SLC24A1: variants seen among roughly 807,000 people sequenced by gnomAD.
SLC24A1 encodes solute carrier family 24 member 1.
SLC24A1 carries 52 observed loss-of-function variants against 88.1 expected under a neutral mutation model. The observed-to-expected ratio is 0.59, with a 90% CI of 0.47 to 0.74. The LOEUF (loss-of-function observed/expected upper bound fraction) is 0.74. SLC24A1 is among the 30% of genes least tolerant of loss of function. SLC24A1 has a pLI of 0.00. For synonymous variants in SLC24A1, 455 were observed against 498.0 expected (o/e 0.91, Z 1.15); for missense variants, 1,173 against 1,363.3 (o/e 0.86, Z 2.20).
In SLC24A1 at chr15:65,645,640, C is replaced by G. The variant is rs1361424218; in HGVS notation, c.2169C>G (p.Val723=). 2 of 1,576,850 alleles carry G rather than the reference C, an allele frequency of 1.3e-6. No individual in the cohort carries two copies. The highest frequency in any genetic ancestry group is 2.7e-5 in the African/African-American group (2 of 74,058). ...AGGAGCCAGCCAAGCTCCCTGCGGT[C>G]ACGGTCACACCAGCCCCTGTTCCAG... The part of the protein sequence containing the change: ...EEEEPAKLPA[V]TVTPAPVPDI... The change falls in exon 6 of 10, where the codon GTC becomes GTG. Residue 723 remains valine, a synonymous_variant. Coordinates refer to ENST00000261892, the MANE Select transcript of SLC24A1 (RefSeq NM_004727.3).
chr15:65,643,138 T>C, intron 4 of SLC24A1: 1 of 750,628 alleles, frequency 1.3e-6, no homozygotes, highest in Non-Finnish European at 2.0e-6. Flanking sequence ...TATAAATTCA[T>C]TTACTTTGTC....
downstream of SLC24A1, chr15:65,660,041 C>T (rs1010400622): frequency 6.9e-6 from 3 of 434,672 alleles, no homozygotes; most frequent in Non-Finnish European, 1.2e-5. Flanking sequence ...ATCACCAGTG[C>T]CAAAAGCCTC....
chr15:65,616,607 T>C (rs1427216928), intron 2 of SLC24A1, among the ~76,000 whole-genome samples: 1 of 152,258 alleles, frequency 6.6e-6, no homozygotes, highest in Admixed American at 6.5e-5. Context: ...TTGAGTTCTT[T>C]GTAGATTCTG....
chr15:65,649,878 C>T (rs1029652367), intron 6 of SLC24A1, among the ~76,000 whole-genome samples: 2 of 152,210 alleles, frequency 1.3e-5, no homozygotes, highest in African/African-American at 4.8e-5. Context: ...TAGTCCTGTT[C>T]CACTCCATGC....
At chr15:65,632,731 C>G (rs2141539943) in intron 2 of SLC24A1, among the ~76,000 whole-genome samples, 1 of 152,272 alleles carries the variant, frequency 6.6e-6, no homozygotes, top group Non-Finnish European at 1.5e-5. Flanking sequence ...AAGCACAGTT[C>G]CAGCTCTCAA....
At chr15:65,644,139 A>G (rs1239719023) in intron 4 of SLC24A1, 2 of 403,028 alleles carry the variant, frequency 5.0e-6, no homozygotes, top group East Asian at 4.8e-5. Context: ...CCTGAGTCCA[A>G]CCATGTCATT....
At position 65,650,227 on chromosome 15, in the gene SLC24A1, A is replaced by G. The variant is rs1025477123; in HGVS notation, c.2233-155A>G. Among the ~76,000 whole-genome samples the G allele has an allele frequency of 6.6e-6, 1 of 152,220 alleles. No individual in the cohort carries two copies. Among genetic ancestry groups the G allele is most frequent in the Non-Finnish European group, 1.5e-5 (1 of 68,040 alleles). ...ACAGCCACTAGGTAGGAGTGTGGTC[A>G]TGGGAATTCTGCTGAATTATCGCAC... is the stretch of plus-strand genomic sequence containing the variant. On this transcript the variant is annotated intron_variant, in intron 6 of 9. Transcript: ENST00000261892. The surrounding 1 kb of genome is among the most constrained non-coding windows in gnomAD (Gnocchi z 4.1).
chr15:65,652,588 T>C, intron 8 of SLC24A1, 54 bp from the exon 9 acceptor site: 1 of 1,548,798 alleles, frequency 6.5e-7, no homozygotes, highest in Non-Finnish European at 8.9e-7. Context: ...ATGTGGATAG[T>C]GCTTGGATGT....
At chr15:65,618,215 G>A (rs980340477), upstream of SLC24A1, among the ~76,000 whole-genome samples, 9 of 151,950 alleles carry the variant, frequency 5.9e-5, no homozygotes, top group South Asian at 2.1e-4. Flanking sequence ...TTGTCTCTAC[G>A]TATGTATGTA....
At position 65,654,084 on chromosome 15, in the gene SLC24A1, G is replaced by A. The variant is rs1368545262; in HGVS notation, c.*5G>A. ...TCCTGTCCTGTATCTGTCTGAATCA[G>A]TCACTCTTGCTCACAATGGGCATGG... On this transcript the variant is annotated 3_prime_UTR_variant, in exon 10 of 10. Transcript: ENST00000261892. 1 of 1,610,580 alleles carries A rather than the reference G, an allele frequency of 6.2e-7. No homozygotes were observed. Among genetic ancestry groups the A allele is most frequent in the African/African-American group, 1.3e-5 (1 of 74,826 alleles).
Position 65,625,454 on chromosome 15 carries a change from C to T in SLC24A1, c.1374C>T (p.His458=), listed in dbSNP as rs370043190. 7.0e-4 allele frequency: 1,124 copies of T among 1,614,016 alleles called. 7 individuals are homozygous for T. In the South Asian group the frequency reaches 0.011, roughly 16 times the overall value. The change falls in exon 2 of 10, where the codon CAC becomes CAT. Residue 458 remains histidine (H), a synonymous_variant. Coordinates refer to ENST00000261892, the MANE Select transcript of SLC24A1 (RefSeq NM_004727.3). ...GGCGGCAGGGCTGGGTGGTCCTGCA[C>T]GTTTTTGGCATGATGTATGTGTTTG... ...EERRQGWVVL[H]VFGMMYVFVA...
At chr15:65,660,232 A>G, downstream of SLC24A1, 1 of 1,472,162 alleles carries the variant, frequency 6.8e-7, no homozygotes, top group Non-Finnish European at 9.2e-7. Context: ...TTCAGCCCCA[A>G]ACTAACTGAA....
rs764243615 is a variant in SLC24A1, at chr15:65,650,670, G to A, written c.2521G>A (p.Ala841Thr). The A allele has an allele frequency of 6.5e-7, 1 of 1,546,894 alleles. No homozygotes were observed. The highest frequency in any genetic ancestry group is 1.2e-5 in the South Asian group (1 of 83,510). ...QELSAENHGE[A>T]KNDEKGVEDG... ...ACTCAGTGCTGAAAATCACGGTGAA[G>A]CCAAAAATGATGAGAAAGGTGTAGA... is the stretch of plus-strand genomic sequence containing the variant. The change falls in exon 7 of 10, where the codon GCC (alanine) becomes ACC (threonine). Residue 841 changes from alanine to threonine, a missense_variant. Transcript: ENST00000261892. The surrounding 1 kb of genome is among the most constrained non-coding windows in gnomAD (Gnocchi z 4.1).
rs1327791967 is a variant in SLC24A1 at position 65,644,505 on chromosome 15, A to T, written c.2132A>T (p.Lys711Ile). The T allele has an allele frequency of 2.5e-6, 4 of 1,584,136 alleles. No homozygotes were observed. The highest frequency in any genetic ancestry group is 3.4e-6 in the Non-Finnish European group (4 of 1,164,924). Residue 711 changes from lysine (K) to isoleucine (I), a missense_variant, in exon 5 of 10, where the codon AAA (lysine) becomes ATA (isoleucine). Lys to Ile is a moderately radical substitution (Grantham distance 102, BLOSUM62 -3). Coordinates refer to ENST00000261892, the MANE Select transcript of SLC24A1 (RefSeq NM_004727.3). ...RAQPQAKAESKPEEEEPAKLP... is the reference protein window; with the variant it reads ...RAQPQAKAESIPEEEEPAKLP... ...CAACCCCAGGCCAAAGCAGAAAGCA[A>T]ACCAGAAGGTGAGAGGATGGCCAGA...
At chr15:65,637,580 T>C (rs1044159710) in intron 2 of SLC24A1, among the ~76,000 whole-genome samples, 6 of 152,212 alleles carry the variant, frequency 3.9e-5, no homozygotes, top group Non-Finnish European at 5.9e-5. Context: ...TTAATAAATA[T>C]TGAGCTCTTG....
chr15:65,631,135 C>T (rs1266118249), intron 2 of SLC24A1, among the ~76,000 whole-genome samples: 1 of 152,148 alleles, frequency 6.6e-6, no homozygotes, highest in African/African-American at 2.4e-5. Context: ...TTGTTGTTTT[C>T]ATGGATATGT....
chr15:65,633,209 G>A (rs1045838264), intron 2 of SLC24A1, among the ~76,000 whole-genome samples: 1 of 152,228 alleles, frequency 6.6e-6, no homozygotes, highest in African/African-American at 2.4e-5. Context: ...GCCCTGGAAA[G>A]GCGGCTAGTC....
chr15:65,658,925 C>T (rs575622091), downstream of SLC24A1, among the ~76,000 whole-genome samples: 1 of 152,088 alleles, frequency 6.6e-6, no homozygotes, highest in African/African-American at 2.4e-5. Context: ...ATTAAATATG[C>T]TGGTAGTGTT....
chr15:65,635,945 G>T (rs1169632899), intron 2 of SLC24A1, among the ~76,000 whole-genome samples: 1 of 152,190 alleles, frequency 6.6e-6, no homozygotes, highest in Non-Finnish European at 1.5e-5. Context: ...AGTATAGCAG[G>T]TTCTCAGTAA....
Sources: allele counts gnomAD v4.1 joint callset (sites outside exome capture counted in the v4.1 genomes callset), GRCh38; gene constraint gnomAD v4.1.1; non-coding constraint Gnocchi (gnomAD v3.1); transcripts MANE v1.5; gene names NCBI Gene and HGNC (gene_info 2026-07-23, HGNC 2026-07-21).